The following AGL variants were observed in gnomAD, a reference collection of about 807,000 sequenced individuals.
The protein encoded by AGL is glycogen debranching enzyme.
A neutral mutation model predicts 199.3 loss-of-function variants in AGL; 128 were observed. The observed-to-expected ratio is 0.64, with a 90% CI of 0.56 to 0.74. AGL has a LOEUF of 0.74. Among genes scored for constraint, AGL ranks in the 30% least tolerant of loss-of-function variants. The probability of loss-of-function intolerance (pLI) is 0.00; values close to 1 mark genes in which losing one functional copy is unlikely to be tolerated. For missense variants in AGL, 1,809 were observed against 1,820.8 expected (o/e 0.99, Z 0.12); for synonymous variants, 584 against 594.7 (o/e 0.98, Z 0.26).
intron 7 of AGL, among the ~76,000 whole-genome samples, chr1:99,873,317 T>G (rs618539): frequency 0.74 from 113,033 of 152,010 alleles, 42,849 homozygotes; most frequent in African/African-American, 0.91. Context: ...AAAATATACA[T>G]CTGTTATCTG....
In AGL at chr1:99,916,491, A is replaced by C. The variant is rs376486225; in HGVS notation, c.4341A>C (p.Gln1447His). The C allele has an allele frequency of 1.9e-6, 3 of 1,610,154 alleles. No homozygotes were observed. Among genetic ancestry groups the C allele is most frequent in the South Asian group, 1.1e-5 (1 of 90,738 alleles). The change falls in exon 32 of 34, where the codon CAA becomes CAC. Residue 1447 changes from glutamine to histidine, a missense_variant. Coordinates refer to ENST00000361915, the MANE Select transcript of AGL (RefSeq NM_000642.3). ...YNLAKGFNYH[Q>H]GPEWLWPIGY... is the part of the protein sequence containing the mutation. ...TTGCTAAAGGTTTCAATTATCACCA[A>C]GGACCTGTAAGAATTTCATTTATCT...
Position 99,921,707 on chromosome 1 carries a change from T to C in AGL, c.*56T>C. ...TGTATTATAGGATGCAAGGTCATCATATGTAAATGCCTTATATGCACAGGC... is the reference window on the plus strand; with the variant it reads ...TGTATTATAGGATGCAAGGTCATCACATGTAAATGCCTTATATGCACAGGC... On this transcript the variant is annotated 3_prime_UTR_variant, in exon 34 of 34. Transcript: ENST00000361915. The C allele has an allele frequency of 8.1e-7, 1 of 1,240,788 alleles. No homozygotes were observed. Among genetic ancestry groups the C allele is most frequent in the East Asian group, 2.3e-5 (1 of 42,682 alleles). The allele number at this position is 1,240,788 out of a possible 1,614,324, so 76.9% of individuals were successfully genotyped here. A position where few individuals can be genotyped will look rare whatever the true frequency, so the allele number is the denominator to read the frequency against.
Position 99,884,329 on chromosome 1 carries a change from T to G in AGL, c.2434-10T>G, listed in dbSNP as rs1401633152. On this transcript the variant is annotated splice_polypyrimidine_tract_variant and intron_variant, in intron 18 of 33. Coordinates refer to ENST00000361915, the MANE Select transcript of AGL (RefSeq NM_000642.3). ...GTTGAATGGATTTTTTTAATGTACT[T>G]TTTTTCAAGCTTAATGAAAGTAAAA... 2 of 1,612,796 alleles carry G rather than the reference T, an allele frequency of 1.2e-6. No individual in the cohort carries two copies. The highest frequency in any genetic ancestry group is 2.7e-5 in the African/African-American group (2 of 74,860).
chr1:99,873,482 T>C (rs1651205551), intron 7 of AGL, among the ~76,000 whole-genome samples: 1 of 151,016 alleles, frequency 6.6e-6, no homozygotes. Context: ...TCGCCTAGGC[T>C]AAAGTGCAGT....
At chr1:99,867,446 C>G (rs1398562904) in intron 5 of AGL, among the ~76,000 whole-genome samples, 2 of 152,188 alleles carry the variant, frequency 1.3e-5, no homozygotes, top group Non-Finnish European at 2.9e-5. Flanking sequence ...ATTCTCTCCT[C>G]CCAACTCCCA....
chr1:99,885,260 A>T (rs1652370013), intron 20 of AGL, among the ~76,000 whole-genome samples: 1 of 152,188 alleles, frequency 6.6e-6, no homozygotes, highest in Non-Finnish European at 1.5e-5. Context: ...TAGCTTCATT[A>T]CTGTCAGTAT....
intron 29 of AGL, among the ~76,000 whole-genome samples, chr1:99,913,146 G>A (rs1654870064): frequency 6.6e-6 from 1 of 152,002 alleles, no homozygotes; most frequent in Admixed American, 6.6e-5. Flanking sequence ...CTTGAGCCCA[G>A]GAAGCGGAGG....
At chr1:99,876,021 T>C (rs1651499905) in intron 10 of AGL, among the ~76,000 whole-genome samples, 1 of 152,118 alleles carries the variant, frequency 6.6e-6, no homozygotes, top group African/African-American at 2.4e-5. Flanking sequence ...ACTACAGAGG[T>C]GCACCACCAT....
In AGL at chr1:99,880,006, T is replaced by C. The variant is rs1651877706; in HGVS notation, c.1695T>C (p.Asn565=). The C allele has an allele frequency of 1.2e-6, 2 of 1,613,632 alleles. No individual in the cohort carries two copies. Among genetic ancestry groups the C allele is most frequent in the African/African-American group, 2.7e-5 (2 of 74,908 alleles). ...ELFTGSEDLD[N]VFVTRLGISS... Reference sequence around the variant, plus strand: ...TCACAGGAAGTGAAGATCTGGACAATGTCTTTGTTACTAGACTGGGCATTA... The same window carrying C: ...TCACAGGAAGTGAAGATCTGGACAACGTCTTTGTTACTAGACTGGGCATTA... The change falls in exon 13 of 34, where the codon AAT becomes AAC. Residue 565 remains asparagine, a synonymous_variant. Coordinates refer to ENST00000361915, the MANE Select transcript of AGL (RefSeq NM_000642.3).
intron 31 of AGL, among the ~76,000 whole-genome samples, chr1:99,915,870 T>C (rs993154359): frequency 6.6e-6 from 1 of 152,130 alleles, no homozygotes; most frequent in Non-Finnish European, 1.5e-5. Context: ...AAATGGAGTA[T>C]AGATAACTGT....
At chr1:99,890,795 C>G (rs948599374) in intron 21 of AGL, among the ~76,000 whole-genome samples, 1 of 152,050 alleles carries the variant, frequency 6.6e-6, no homozygotes, top group African/African-American at 2.4e-5. Context: ...CTATGACTTC[C>G]TTAAATCTAG....
chr1:99,923,209 T>C lies in AGL; in HGVS notation c.*1558T>C, dbSNP rs773444393. 1.0e-3 allele frequency: 152 copies of C among 152,286 alleles called. 1 individual carries two copies. The highest frequency in any genetic ancestry group is 5.2e-3 in the Admixed American group (80 of 15,294). 9.4% of individuals were successfully genotyped at this position (152,286 alleles called of 1,614,324 possible). A position where few individuals can be genotyped will look rare whatever the true frequency, so the allele number is the denominator to read the frequency against. On this transcript the variant is annotated 3_prime_UTR_variant, in exon 34 of 34. Coordinates refer to ENST00000361915, the MANE Select transcript of AGL (RefSeq NM_000642.3). The stretch of plus-strand genomic sequence containing the variant: ...TCTATAAATACATTGGACATTGGTT[T>C]CCAAATCTCCCTTTCTTCTTCAGTT...
chr1:99,891,792 C>G (rs1445013968), intron 23 of AGL, 53 bp downstream of exon 23: 1 of 1,601,042 alleles, frequency 6.2e-7, no homozygotes, highest in East Asian at 2.2e-5. Flanking sequence ...AAACTATATA[C>G]AGAGTCACTT....
chr1:99,899,413 T>C (rs1023299384), intron 25 of AGL, among the ~76,000 whole-genome samples: 6 of 152,168 alleles, frequency 3.9e-5, no homozygotes, highest in Non-Finnish European at 7.3e-5. Flanking sequence ...TGGTATATAA[T>C]AGTAAAATAA....
intron 2 of AGL, among the ~76,000 whole-genome samples, chr1:99,855,849 A>G (rs1649375249): frequency 6.6e-6 from 1 of 152,162 alleles, no homozygotes; most frequent in South Asian, 2.1e-4. Context: ...CAAATCTGAA[A>G]TTCTTCCATC....
intron 2 of AGL, among the ~76,000 whole-genome samples, chr1:99,856,758 G>C (rs1004349167): frequency 1.3e-5 from 2 of 152,148 alleles, no homozygotes; most frequent in Non-Finnish European, 2.9e-5. Context: ...CACAGGGTTG[G>C]GGGTAAGGTC....
intron 7 of AGL, among the ~76,000 whole-genome samples, chr1:99,871,421 C>T (rs369460397): frequency 1.0e-4 from 12 of 117,746 alleles, no homozygotes; most frequent in Non-Finnish European, 1.8e-4. Context: ...CCCCCCCCCC[C>T]CCAACAAAAT....
At chr1:99,901,113 G>C (rs1183987014) in intron 26 of AGL, among the ~76,000 whole-genome samples, 2 of 151,978 alleles carry the variant, frequency 1.3e-5, no homozygotes, top group African/African-American at 4.8e-5. Flanking sequence ...GAAGTGTTGT[G>C]TAGTCTCTTA....
chr1:99,864,107 A>C lies in AGL; in HGVS notation c.461-279A>C, dbSNP rs61434101. 0.11 allele frequency among the ~76,000 whole-genome samples: 16,360 copies of C among 152,200 alleles called. 2,008 individuals are homozygous for C. Among genetic ancestry groups the C allele is most frequent in the African/African-American group, 0.3 (12,260 of 41,488 alleles). On this transcript the variant is annotated intron_variant, in intron 4 of 33. Transcript: ENST00000361915. ...AAATTTACTACATGTTAAGTATATA[A>C]ATTTTCTAATAGGCAGTGTGTGTGA... is the stretch of plus-strand genomic sequence containing the variant.
Sources: allele counts gnomAD v4.1 joint callset (sites outside exome capture counted in the v4.1 genomes callset), GRCh38; gene constraint gnomAD v4.1.1; transcripts MANE v1.5; gene names NCBI Gene and HGNC (gene_info 2026-07-23, HGNC 2026-07-21).